The following PRRC2B variants were observed in gnomAD, a reference collection of about 807,000 sequenced individuals.
PRRC2B encodes the protein protein PRRC2B.
PRRC2B carries 68 observed loss-of-function variants against 242.3 expected under a neutral mutation model. That is an observed-to-expected ratio of 0.28 (90% CI 0.23 to 0.34). The LOEUF (loss-of-function observed/expected upper bound fraction) is 0.34. PRRC2B is among the 10% of genes least tolerant of loss of function. The probability of loss-of-function intolerance (pLI) is 1.00; values close to 1 mark genes in which losing one functional copy is unlikely to be tolerated. For synonymous variants in PRRC2B, 1,228 were observed against 1,173.6 expected (o/e 1.05, Z -0.95); for missense variants, 2,835 against 2,954.8 (o/e 0.96, Z 0.94).
intron 3 of PRRC2B, among the ~76,000 whole-genome samples, chr9:131,435,872 ACT>A (rs1245729732): frequency 6.6e-6 from 1 of 152,136 alleles, no homozygotes; most frequent in Admixed American, 6.5e-5. Context: ...GCAGTGTAAA[ACT>A]CTGCTGGTTA....
chr9:131,401,889 G>A (rs775150186), intron 1 of PRRC2B, among the ~76,000 whole-genome samples: 7 of 151,880 alleles, frequency 4.6e-5, no homozygotes, highest in African/African-American at 7.3e-5. Flanking sequence ...TCGAACCCCT[G>A]ACTTCAGGTG....
In PRRC2B at chr9:131,446,469, A is replaced by G. The variant is rs763847507; in HGVS notation, c.682A>G (p.Thr228Ala). 9.3e-6 allele frequency: 15 copies of G among 1,613,356 alleles called. No individual in the cohort carries two copies. The highest frequency in any genetic ancestry group is 1.3e-5 in the African/African-American group (1 of 74,688). Residue 228 changes from threonine to alanine, a missense_variant, in exon 7 of 32, where the codon ACT (threonine) becomes GCT (alanine). Thr to Ala is a moderately conservative substitution (Grantham distance 58). Coordinates refer to ENST00000683519, the MANE Select transcript of PRRC2B (RefSeq NM_013318.4). The surrounding 1 kb of genome is among the most constrained non-coding windows in gnomAD (Gnocchi z 4.1). ...ISATSLSTSP[T>A]ELGSRNSSTG... ...TGCCACGTCTCTGAGCACCTCCCCA[A>G]CTGAGCTGGGCAGCAGGAACTCGAG...
chr9:131,413,737 TC>T (rs1837566724), intron 1 of PRRC2B, among the ~76,000 whole-genome samples: 1 of 152,090 alleles, frequency 6.6e-6, no homozygotes, highest in African/African-American at 2.4e-5. Flanking sequence ...AGCGGTGCGA[TC>T]TTGGCTCACT....
intron 29 of PRRC2B, 52 bp from the exon 30 acceptor site, chr9:131,492,117 C>T: frequency 1.4e-6 from 2 of 1,399,986 alleles, no homozygotes; most frequent in Non-Finnish European, 2.0e-6. Context: ...GTGTGTGGTC[C>T]AGCTGTCTCC....
At chr9:131,432,310 GT>G (rs1279188522) in intron 2 of PRRC2B, among the ~76,000 whole-genome samples, 9 of 152,124 alleles carry the variant, frequency 5.9e-5, no homozygotes, top group African/African-American at 2.2e-4. Flanking sequence ...TAAGCTGGAG[GT>G]TCCTGGGCCT....
At chr9:131,458,878 A>G (rs1233117867) in intron 10 of PRRC2B, among the ~76,000 whole-genome samples, 3 of 151,600 alleles carry the variant, frequency 2.0e-5, no homozygotes, top group Admixed American at 6.6e-5. Context: ...CCTGGGCCAC[A>G]TGTGGTTGGA....
chr9:131,420,451 C>CTT (rs1363242363), intron 1 of PRRC2B, among the ~76,000 whole-genome samples: 3 of 44,330 alleles, frequency 6.8e-5, no homozygotes, highest in Non-Finnish European at 4.8e-5. Flanking sequence ...TTTTCTTTTT[C>CTT]TTTTTCTTTC....
In PRRC2B at chr9:131,475,352, A is replaced by G. The variant is rs1380208102; in HGVS notation, c.3223A>G (p.Thr1075Ala). 2 of 1,586,582 alleles carry G rather than the reference A, an allele frequency of 1.3e-6. No individual in the cohort carries two copies. Among genetic ancestry groups the G allele is most frequent in the Admixed American group, 1.8e-5 (1 of 55,342 alleles). Residue 1075 changes from threonine (T) to alanine (A), a missense_variant, in exon 16 of 32, where the codon ACT becomes GCT. Thr to Ala is a moderately conservative substitution (Grantham distance 58, BLOSUM62 0). Around this residue, in one of 7 missense-constraint regions of PRRC2B, gnomAD observed 1,536 missense variants for 1,483.1 expected, o/e 1.04. Transcript: ENST00000683519. ...CCGGGGCCGTGGTTTCAGAGAGTTC[A>G]CTTTTCGTGGTCGGCCTGCTGGCGG... The part of the protein sequence containing the change: ...RGRGRGFREF[T>A]FRGRPAGGNG...
chr9:131,404,215 AC>A (rs1837302826), intron 1 of PRRC2B, among the ~76,000 whole-genome samples: 4 of 141,210 alleles, frequency 2.8e-5, no homozygotes, highest in East Asian at 2.0e-4. Context: ...TTCCCAGTTG[AC>A]TTTTTTTTTT....
intron 1 of PRRC2B, among the ~76,000 whole-genome samples, chr9:131,429,827 T>C (rs1838075394): frequency 6.6e-6 from 1 of 151,768 alleles, no homozygotes; most frequent in Non-Finnish European, 1.5e-5. Context: ...CAACTCAGAG[T>C]GAGAGGAATT....
At chr9:131,407,288 C>CGGTTT (rs1330784117) in intron 1 of PRRC2B, among the ~76,000 whole-genome samples, 4 of 151,646 alleles carry the variant, frequency 2.6e-5, no homozygotes, top group Admixed American at 2.0e-4. Flanking sequence ...CAGTGCAATA[C>CGGTTT]GGTTTTTTAG....
rs764711967 is a variant in PRRC2B, at chr9:131,446,676, T to A, written c.855+34T>A. The A allele has an allele frequency of 9.9e-6, 16 of 1,609,662 alleles. No homozygotes were observed. In the African/African-American group the frequency reaches 1.1e-4, roughly 11 times the overall value. On this transcript the variant is annotated intron_variant, in intron 7 of 31. Transcript: ENST00000683519. This position sits in a 1 kb window ranked among gnomAD's most constrained non-coding sequence, Gnocchi z 4.1. ...TCAGAGTGTACTTTTTTTCCCCCCA[T>A]GAAGTTGGATTGTGTCCAGCAGATA...
chr9:131,471,679 A>C (rs1282309687), intron 14 of PRRC2B, among the ~76,000 whole-genome samples: 1 of 152,244 alleles, frequency 6.6e-6, no homozygotes, highest in East Asian at 1.9e-4. Context: ...TACTTGTAAA[A>C]ACTGGCAGCA....
chr9:131,452,430 C>T (rs990703932), intron 9 of PRRC2B, among the ~76,000 whole-genome samples: 3 of 152,098 alleles, frequency 2.0e-5, no homozygotes, highest in Non-Finnish European at 2.9e-5. Flanking sequence ...TATGTCATTT[C>T]GTGTGAGTTT....
chr9:131,400,107 A>G (rs558089924), intron 1 of PRRC2B, among the ~76,000 whole-genome samples: 1 of 152,048 alleles, frequency 6.6e-6, no homozygotes, highest in Non-Finnish European at 1.5e-5. Flanking sequence ...TTTTTGAGGC[A>G]GGGTCTCACT....
At chr9:131,420,493 C>CCTTCTTTCTTTCTTTCTTTCTTTCTTTCT (rs1554758635) in intron 1 of PRRC2B, among the ~76,000 whole-genome samples, 6 of 30,180 alleles carry the variant, frequency 2.0e-4, no homozygotes, top group African/African-American at 6.5e-4. Context: ...TTCTTTCTTT[C>CCTTCTTTCTTTCTTTCTTTCTTTCTTTCT]TTTTTTTTTT....
At chr9:131,432,065 A>G (rs375818473) in intron 2 of PRRC2B, among the ~76,000 whole-genome samples, 11 of 152,164 alleles carry the variant, frequency 7.2e-5, no homozygotes, top group South Asian at 2.1e-4. Context: ...AAGTGCTGCA[A>G]TTACACGTGT....
Position 131,499,096 on chromosome 9 carries a change from A to G in PRRC2B, c.*3222A>G, listed in dbSNP as rs947210396. ...ATTTCACATTCAAGAAAATCAGTTCAGTTCCAAAGCTGTGGTCCTTCCAGC... is the reference window on the plus strand; with the variant it reads ...ATTTCACATTCAAGAAAATCAGTTCGGTTCCAAAGCTGTGGTCCTTCCAGC... On this transcript the variant is annotated 3_prime_UTR_variant, in exon 32 of 32. Coordinates refer to ENST00000683519, the MANE Select transcript of PRRC2B (RefSeq NM_013318.4). The G allele has an allele frequency of 6.6e-6, 1 of 152,266 alleles. No individual in the cohort carries two copies. Among genetic ancestry groups the G allele is most frequent in the Non-Finnish European group, 1.5e-5 (1 of 68,048 alleles). 9.4% of individuals were successfully genotyped at this position (152,266 alleles called of 1,614,324 possible). A position where few individuals can be genotyped will look rare whatever the true frequency, so the allele number is the denominator to read the frequency against.
intron 4 of PRRC2B, among the ~76,000 whole-genome samples, chr9:131,436,934 A>G (rs1838394323): frequency 6.6e-6 from 1 of 152,170 alleles, no homozygotes; most frequent in African/African-American, 2.4e-5. Flanking sequence ...CTTTTAGAAA[A>G]AGACCTCAGA....
Sources: gnomAD v4.1 joint callset for allele counts (sites outside exome capture counted in the v4.1 genomes callset) on GRCh38, gnomAD v4.1.1 for gene constraint, gnomAD v4.1.1 regional missense constraint, Gnocchi (gnomAD v3.1) non-coding constraint, MANE v1.5 for transcripts, NCBI Gene and HGNC (gene_info 2026-07-23, HGNC 2026-07-21) for gene names.